The following CTDSPL variants were observed in gnomAD, a reference collection of about 807,000 sequenced individuals.
The protein encoded by CTDSPL is CTD small phosphatase like, also known as CTD small phosphatase-like protein.
A neutral mutation model predicts 30.5 loss-of-function variants in CTDSPL; 8 were observed. That is an observed-to-expected ratio of 0.26 (90% CI 0.15 to 0.47). CTDSPL has a LOEUF of 0.47. Among genes scored for constraint, CTDSPL ranks in the 20% least tolerant of loss-of-function variants. CTDSPL has a pLI of 0.99. For missense variants in CTDSPL, 248 were observed against 366.1 expected, an observed-to-expected ratio of 0.68 and a Z score of 2.63; for synonymous variants, 110 against 137.9, an observed-to-expected ratio of 0.80 and a Z score of 1.42.
intron 3 of CTDSPL, among the ~76,000 whole-genome samples, chr3:37,963,406 TAAA>T (rs1298098424): frequency 6.6e-6 from 1 of 152,258 alleles, no homozygotes; most frequent in African/African-American, 2.4e-5. Flanking sequence ...ACCAAAAAAA[TAAA>T]AAGAGGAAAG....
At chr3:37,955,079 G>A (rs1406834573) in intron 2 of CTDSPL, 1 of 152,222 alleles carries the variant, frequency 6.6e-6, no homozygotes, top group Non-Finnish European at 1.5e-5. Context: ...TGTGTGCAGG[G>A]GCTGTCTGCA....
At chr3:37,972,696 G>C (rs943122133) in intron 6 of CTDSPL, among the ~76,000 whole-genome samples, 1 of 152,234 alleles carries the variant, frequency 6.6e-6, no homozygotes, top group Admixed American at 6.5e-5. Context: ...GTGGCAGGGT[G>C]CCTGTGCTGT....
In CTDSPL at chr3:37,914,122, T is replaced by G. The variant is rs1457540189; in HGVS notation, c.80-32935T>G. Among the ~76,000 whole-genome samples, 18 of 152,210 alleles carry G rather than the reference T, an allele frequency of 1.2e-4. 1 individual carries two copies. The highest frequency in any genetic ancestry group is 1.2e-3 in the Admixed American group (18 of 15,284). On this transcript the variant is annotated intron_variant, in intron 1 of 7. Coordinates refer to ENST00000273179, the MANE Select transcript of CTDSPL (RefSeq NM_001008392.2). ...CTTTAAAAATTTCTCCAAATAACAT[T>G]TTAGAATTTTCTGTGTAGAGGTCTT...
chr3:37,862,176 G>A lies in CTDSPL; in HGVS notation c.-24G>A. The A allele has an allele frequency of 8.9e-7, 1 of 1,129,692 alleles. No homozygotes were observed. Among genetic ancestry groups the A allele is most frequent in the African/African-American group, 1.7e-5 (1 of 60,392 alleles). 70.0% of individuals were successfully genotyped at this position (1,129,692 alleles called of 1,614,324 possible). A position where few individuals can be genotyped will look rare whatever the true frequency, so the allele number is the denominator to read the frequency against. The stretch of plus-strand genomic sequence containing the variant: ...TTGGCTTGCGGGGGGCCGGGCCTGC[G>A]GGCGGCCGCCGCGCCGCGCACCCAT... On this transcript the variant is annotated 5_prime_UTR_variant, in exon 1 of 8. Transcript: ENST00000273179. The surrounding 1 kb of genome is among the most constrained non-coding windows in gnomAD (Gnocchi z 4.3).
intron 7 of CTDSPL, among the ~76,000 whole-genome samples, chr3:37,979,295 G>C (rs951031019): frequency 3.4e-5 from 5 of 147,422 alleles, no homozygotes; most frequent in African/African-American, 1.3e-4. Flanking sequence ...AGATCCTGTC[G>C]CTACTAAAAA....
chr3:37,969,301 G>T, intron 5 of CTDSPL: 1 of 465,248 alleles, frequency 2.1e-6, no homozygotes, highest in Non-Finnish European at 4.4e-6. Context: ...TCCTGGCTGT[G>T]CTGTGATATC....
intron 1 of CTDSPL, among the ~76,000 whole-genome samples, chr3:37,946,748 G>A (rs1200349234): frequency 6.6e-6 from 1 of 152,186 alleles, no homozygotes; most frequent in Non-Finnish European, 1.5e-5. Context: ...GTTCAGGAAT[G>A]CAGATGGGGA....
intron 1 of CTDSPL, among the ~76,000 whole-genome samples, chr3:37,926,676 A>G (rs1256346870): frequency 6.6e-6 from 1 of 152,234 alleles, no homozygotes; most frequent in African/African-American, 2.4e-5. Context: ...GAAGTTTGAT[A>G]CAATTATGGC....
intron 1 of CTDSPL, among the ~76,000 whole-genome samples, chr3:37,905,377 C>CA (rs34256291): frequency 0.11 from 16,892 of 152,258 alleles, 988 homozygotes; most frequent in Middle Eastern, 0.17. Flanking sequence ...AAAAGGATCT[C>CA]AATGATTCAT....
chr3:37,945,234 A>G lies in CTDSPL; in HGVS notation c.80-1823A>G, dbSNP rs76276761. On this transcript the variant is annotated intron_variant, in intron 1 of 7. Transcript: ENST00000273179. ...GTTTAACGAATCATTTATATTAAAT[A>G]CAAGTTTATTGCAATGCTTTTCTCT... 9.3e-3 allele frequency among the ~76,000 whole-genome samples: 1,406 copies of G among 150,522 alleles called. 78 individuals carry two copies. Among genetic ancestry groups the G allele is most frequent in the South Asian group, 0.084 (392 of 4,684 alleles).
intron 1 of CTDSPL, among the ~76,000 whole-genome samples, chr3:37,888,644 G>A (rs1475949621): frequency 6.6e-6 from 1 of 152,188 alleles, no homozygotes; most frequent in Non-Finnish European, 1.5e-5. Flanking sequence ...GGAACTGACT[G>A]GTTTACATAG....
chr3:37,960,529 T>TACACAC (rs1379606753), intron 3 of CTDSPL, among the ~76,000 whole-genome samples: 4 of 59,750 alleles, frequency 6.7e-5, no homozygotes, highest in Non-Finnish European at 9.1e-5. Flanking sequence ...TATATATATA[T>TACACAC]ATATATACAC....
Position 37,973,389 on chromosome 3 carries a change from C to T in CTDSPL, c.519+1890C>T, listed in dbSNP as rs937970481. ...GAGAACACTCTTCCTTGGCATTGTC[C>T]CCAGCATTTGCTTAAACATCCTTGT... On this transcript the variant is annotated intron_variant, in intron 6 of 7. Transcript: ENST00000273179. Among the ~76,000 whole-genome samples, 9 of 152,238 alleles carry T rather than the reference C, an allele frequency of 5.9e-5. 1 individual carries two copies. The highest frequency in any genetic ancestry group is 1.9e-4 in the African/African-American group (8 of 41,458).
At position 37,984,201 on chromosome 3, in the gene CTDSPL, AC is replaced by A; in HGVS notation, c.*3335del. Reference sequence around the variant, plus strand: ...AAATTGGCTGGCTGCCTCTGTTCCTACTGTACTGTAACTTTGATCATGTCTG... The same window carrying A: ...AAATTGGCTGGCTGCCTCTGTTCCTATGTACTGTAACTTTGATCATGTCTG... On this transcript the variant is annotated 3_prime_UTR_variant, in exon 8 of 8. Transcript: ENST00000273179. 2.2e-6 allele frequency: 1 copy of A among 456,698 alleles called. No homozygotes were observed. The highest frequency in any genetic ancestry group is 4.4e-6 in the Non-Finnish European group (1 of 226,970). The allele number at this position is 456,698 out of a possible 1,614,324, so 28.3% of individuals were successfully genotyped here.
At chr3:37,958,502 CT>C (rs1263353364) in intron 3 of CTDSPL, among the ~76,000 whole-genome samples, 1 of 152,130 alleles carries the variant, frequency 6.6e-6, no homozygotes, top group African/African-American at 2.4e-5. Context: ...CTCCTTCCAC[CT>C]TCAATATCAC....
chr3:37,920,995 G>A lies in CTDSPL; in HGVS notation c.80-26062G>A, dbSNP rs369389487. Among the ~76,000 whole-genome samples, 16 of 152,180 alleles carry A rather than the reference G, an allele frequency of 1.1e-4. No individual in the cohort carries two copies. In the East Asian group the frequency reaches 1.9e-3, roughly 18 times the overall value. ...TTCTATCACCTGTAGGTTTGAACCC[G>A]GGTCTTTTGGGCCTCTGTGAGCCTC... On this transcript the variant is annotated intron_variant, in intron 1 of 7. Coordinates refer to ENST00000273179, the MANE Select transcript of CTDSPL (RefSeq NM_001008392.2).
At chr3:37,915,103 A>G (rs1190643386) in intron 1 of CTDSPL, among the ~76,000 whole-genome samples, 3 of 151,638 alleles carry the variant, frequency 2.0e-5, no homozygotes, top group Non-Finnish European at 4.4e-5. Flanking sequence ...GTTCTTTAAA[A>G]GTTTTGACAT....
chr3:37,872,539 CTTTTTTTTT>C (rs34657967), intron 1 of CTDSPL, among the ~76,000 whole-genome samples: 1 of 51,036 alleles, frequency 2.0e-5, no homozygotes, highest in Non-Finnish European at 3.9e-5. Context: ...TACTTAGGCT[CTTTTTTTTT>C]TTTTTTTTTT....
intron 1 of CTDSPL, among the ~76,000 whole-genome samples, chr3:37,864,362 G>A (rs1221563100): frequency 6.6e-6 from 1 of 152,158 alleles, no homozygotes; most frequent in Non-Finnish European, 1.5e-5. Context: ...CTCCAGGATA[G>A]TGCTTGTTCT....
Sources: gnomAD v4.1 joint callset for allele counts (sites outside exome capture counted in the v4.1 genomes callset) on GRCh38, gnomAD v4.1.1 for gene constraint, Gnocchi (gnomAD v3.1) non-coding constraint, MANE v1.5 for transcripts, NCBI Gene and HGNC (gene_info 2026-07-23, HGNC 2026-07-21) for gene names.